Variants in VWA8 observed in about 807,000 individuals in gnomAD.
VWA8 encodes von Willebrand factor A domain-containing protein 8.
Under a neutral mutation model 241.5 loss-of-function variants are expected in VWA8, and 221 were observed. The observed-to-expected ratio is 0.91, with a 90% confidence interval of 0.82 to 1.02. The LOEUF (loss-of-function observed/expected upper bound fraction) is 1.02, where lower values mean the gene tolerates loss of function less well. Among genes scored for constraint, VWA8 ranks in the 50% least tolerant of loss-of-function variants. The pLI is 0.00. For missense variants in VWA8, 2,322 were observed against 2,328.7 expected (o/e 1.00, Z 0.06); for synonymous variants, 852 against 827.1 (o/e 1.03, Z -0.52).
intron 26 of VWA8, among the ~76,000 whole-genome samples, chr13:41,715,430 T>C (rs1443158144): frequency 6.6e-6 from 1 of 151,948 alleles, no homozygotes; most frequent in Admixed American, 6.6e-5. Context: ...GGAAATCTCA[T>C]GAAAAAGATA....
intron 26 of VWA8, among the ~76,000 whole-genome samples, chr13:41,714,051 G>A (rs1472706820): frequency 1.3e-5 from 2 of 152,154 alleles, no homozygotes; most frequent in East Asian, 3.9e-4. Context: ...AAAAAGTCTA[G>A]AAGGATCATC....
chr13:41,727,979 G>A (rs1345391188), intron 23 of VWA8, among the ~76,000 whole-genome samples: 1 of 152,050 alleles, frequency 6.6e-6, no homozygotes, highest in Non-Finnish European at 1.5e-5. Flanking sequence ...AGATAGAATT[G>A]CAAGTCCAGA....
At chr13:41,921,778 T>G (rs1395557301) in intron 2 of VWA8, among the ~76,000 whole-genome samples, 1 of 151,994 alleles carries the variant, frequency 6.6e-6, no homozygotes, top group East Asian at 1.9e-4. Context: ...CTCAACTAAA[T>G]AAAAGAGGAC....
At chr13:41,606,071 A>T (rs889344277) in intron 39 of VWA8, among the ~76,000 whole-genome samples, 1 of 152,052 alleles carries the variant, frequency 6.6e-6, no homozygotes, top group African/African-American at 2.4e-5. Context: ...TCAAGACTCA[A>T]GTCAATGATT....
intron 40 of VWA8, among the ~76,000 whole-genome samples, chr13:41,592,429 G>A (rs1157542824): frequency 6.7e-6 from 1 of 149,772 alleles, no homozygotes; most frequent in Non-Finnish European, 1.5e-5. Flanking sequence ...TAACTAACCT[G>A]CACAATGTGC....
intron 12 of VWA8, among the ~76,000 whole-genome samples, chr13:41,852,839 AT>A (rs1464318047): frequency 6.6e-6 from 1 of 151,976 alleles, no homozygotes; most frequent in African/African-American, 2.4e-5. Flanking sequence ...ATGCCATGCT[AT>A]TTTTATTACT....
chr13:41,829,453 G>A (rs1209253631), intron 14 of VWA8, among the ~76,000 whole-genome samples: 1 of 151,540 alleles, frequency 6.6e-6, no homozygotes. Context: ...CATGTTTATA[G>A]CAACAGAATT....
intron 42 of VWA8, among the ~76,000 whole-genome samples, chr13:41,580,809 T>C (rs2139639928): frequency 6.6e-6 from 1 of 152,292 alleles, no homozygotes; most frequent in Non-Finnish European, 1.5e-5. Flanking sequence ...TTGTTTTCTC[T>C]TCTGTAAAAC....
chr13:41,787,311 T>C lies in VWA8; in HGVS notation c.2170+126A>G, dbSNP rs1324295169. 5 of 686,932 alleles carry C rather than the reference T, an allele frequency of 7.3e-6. No homozygotes were observed. In the South Asian group the frequency reaches 9.6e-5, roughly 13 times the overall value. 42.6% of individuals were successfully genotyped at this position (686,932 alleles called of 1,614,324 possible). Reference sequence around the variant, plus strand: ...AGATTCATTTCTTCAAACTAATATATAAAACAAAGTAGATGAAAACCAAAA... The same window carrying C: ...AGATTCATTTCTTCAAACTAATATACAAAACAAAGTAGATGAAAACCAAAA... On this transcript the variant is annotated intron_variant, in intron 18 of 44. Transcript: ENST00000379310.
chr13:41,875,965 C>T (rs1216639515), intron 9 of VWA8, among the ~76,000 whole-genome samples: 1 of 151,966 alleles, frequency 6.6e-6, no homozygotes, highest in African/African-American at 2.4e-5. Context: ...TCTCTATCTC[C>T]AACTTCATCA....
intron 37 of VWA8, among the ~76,000 whole-genome samples, chr13:41,631,098 C>T (rs1003051297): frequency 6.6e-6 from 1 of 152,158 alleles, no homozygotes; most frequent in Non-Finnish European, 1.5e-5. Flanking sequence ...TGGCTCACTG[C>T]AGCGTCAACT....
chr13:41,719,270 C>T (rs2045366295), intron 26 of VWA8: 1 of 861,846 alleles, frequency 1.2e-6, no homozygotes, highest in Middle Eastern at 5.0e-4. Flanking sequence ...CATGCTCGTA[C>T]AATGATGTGC....
intron 9 of VWA8, among the ~76,000 whole-genome samples, chr13:41,877,216 T>C (rs985651338): frequency 2.6e-5 from 4 of 152,102 alleles, no homozygotes; most frequent in African/African-American, 9.6e-5. Flanking sequence ...AGGTAGGATT[T>C]ATGGACATTT....
intron 17 of VWA8, among the ~76,000 whole-genome samples, chr13:41,796,242 A>G (rs946776195): frequency 1.3e-5 from 2 of 152,012 alleles, no homozygotes; most frequent in Non-Finnish European, 1.5e-5. Flanking sequence ...TGTTTTCACC[A>G]TTTCTCTATT....
At chr13:41,637,115 G>C (rs76101485) in intron 37 of VWA8, among the ~76,000 whole-genome samples, 8,347 of 147,616 alleles carry the variant, frequency 0.057, 532 homozygotes, top group African/African-American at 0.16. Context: ...CACATGCACA[G>C]GTATGTTTAT....
chr13:41,647,607 C>T (rs1027604264), intron 37 of VWA8, among the ~76,000 whole-genome samples: 1 of 152,184 alleles, frequency 6.6e-6, no homozygotes, highest in African/African-American at 2.4e-5. Context: ...ATACACAAAA[C>T]AGCAATGGTT....
intron 40 of VWA8, among the ~76,000 whole-genome samples, chr13:41,593,074 A>C (rs2044466802): frequency 6.6e-6 from 1 of 152,180 alleles, no homozygotes; most frequent in Middle Eastern, 3.2e-3. Flanking sequence ...TGTCGTTGGA[A>C]ATACAAAGCC....
At chr13:41,821,925 G>T (rs959012909) in intron 14 of VWA8, among the ~76,000 whole-genome samples, 25 of 152,058 alleles carry the variant, frequency 1.6e-4, no homozygotes, top group Admixed American at 1.6e-3. Flanking sequence ...CACACTGTGT[G>T]ATTCCGTTTA....
intron 17 of VWA8, among the ~76,000 whole-genome samples, chr13:41,809,875 A>G (rs776159477): frequency 3.9e-5 from 6 of 151,998 alleles, no homozygotes; most frequent in African/African-American, 7.2e-5. Context: ...GATTGATAAA[A>G]TATATGAATT....
Sources: allele counts gnomAD v4.1 joint callset (sites outside exome capture counted in the v4.1 genomes callset), GRCh38; gene constraint gnomAD v4.1.1; transcripts MANE v1.5; gene names NCBI Gene and HGNC (gene_info 2026-07-23, HGNC 2026-07-21).